Variants in SSBP3 observed in about 807,000 individuals in gnomAD.
SSBP3 encodes the protein single stranded DNA binding protein 3, also known as single-stranded DNA-binding protein 3.
A neutral mutation model predicts 69.6 loss-of-function variants in SSBP3; 5 were observed. The observed-to-expected ratio is 0.07, with a 90% CI of 0.04 to 0.15. The LOEUF is 0.15. SSBP3 is among the 10% of genes least tolerant of loss of function. SSBP3 has a pLI of 1.00. For synonymous variants in SSBP3, 196 were observed against 193.4 expected (o/e 1.01, Z -0.11); for missense variants, 312 against 534.0 (o/e 0.58, Z 4.10).
chr1:54,249,227 C>T (rs116322079), intron 9 of SSBP3, among the ~76,000 whole-genome samples: 1,652 of 152,220 alleles, frequency 0.011, 26 homozygotes, highest in African/African-American at 0.036. Context: ...CTCAGTGTTA[C>T]GATGGTCCTA....
chr1:54,301,677 A>C (rs1645804111), intron 4 of SSBP3, among the ~76,000 whole-genome samples: 1 of 152,210 alleles, frequency 6.6e-6, no homozygotes, highest in Admixed American at 6.5e-5. Context: ...AGTAAGCTCC[A>C]ACCCAAACAG....
chr1:54,338,286 C>A (rs111369078), intron 4 of SSBP3, among the ~76,000 whole-genome samples: 9 of 152,298 alleles, frequency 5.9e-5, no homozygotes, highest in African/African-American at 2.2e-4. Flanking sequence ...TATGCTAAAG[C>A]GAATGTTTAT....
At chr1:54,306,934 C>T (rs1328171324) in intron 4 of SSBP3, among the ~76,000 whole-genome samples, 1 of 152,190 alleles carries the variant, frequency 6.6e-6, no homozygotes, top group Non-Finnish European at 1.5e-5. Context: ...CAACTTTCCA[C>T]CAGGACCCTC....
At chr1:54,333,774 G>A (rs761902095) in intron 4 of SSBP3, among the ~76,000 whole-genome samples, 1 of 152,194 alleles carries the variant, frequency 6.6e-6, no homozygotes, top group African/African-American at 2.4e-5. Flanking sequence ...CCATATAAAA[G>A]TCAAATGTAG....
intron 14 of SSBP3, among the ~76,000 whole-genome samples, chr1:54,229,377 G>A (rs1046695297): frequency 6.6e-6 from 1 of 152,196 alleles, no homozygotes; most frequent in Non-Finnish European, 1.5e-5. Flanking sequence ...GTTAACAAAA[G>A]GAAGAAATTA....
chr1:54,268,681 C>G (rs1645142833), intron 5 of SSBP3, among the ~76,000 whole-genome samples: 1 of 152,218 alleles, frequency 6.6e-6, no homozygotes, highest in African/African-American at 2.4e-5. Flanking sequence ...TTTTTCATGC[C>G]TTTTCCTCCC....
chr1:54,283,698 C>T (rs954122777), intron 4 of SSBP3, among the ~76,000 whole-genome samples: 2 of 152,174 alleles, frequency 1.3e-5, no homozygotes, highest in African/African-American at 4.8e-5. Context: ...GAAAAACAGC[C>T]CTCTCTGCAA....
intron 5 of SSBP3, among the ~76,000 whole-genome samples, chr1:54,278,705 G>A (rs1645335931): frequency 6.6e-6 from 1 of 152,236 alleles, no homozygotes; most frequent in African/African-American, 2.4e-5. Flanking sequence ...CTAGGCCAGG[G>A]TCTGGCCATA....
At chr1:54,367,364 C>T (rs1187795875) in intron 4 of SSBP3, among the ~76,000 whole-genome samples, 1 of 152,112 alleles carries the variant, frequency 6.6e-6, no homozygotes, top group Non-Finnish European at 1.5e-5. Flanking sequence ...TCCCTGATGC[C>T]CCATTGTCTC....
At chr1:54,412,395 C>T (rs1337898014) in intron 1 of SSBP3, among the ~76,000 whole-genome samples, 1 of 152,138 alleles carries the variant, frequency 6.6e-6, no homozygotes, top group Non-Finnish European at 1.5e-5. Context: ...CAGTCTATAG[C>T]ATGGATGAAC....
At chr1:54,305,969 T>TA (rs1645893700) in intron 4 of SSBP3, among the ~76,000 whole-genome samples, 1 of 151,590 alleles carries the variant, frequency 6.6e-6, no homozygotes, top group Admixed American at 6.6e-5. Flanking sequence ...TCCTCATTTG[T>TA]AAAAGTACTA....
chr1:54,282,041 A>AAAT (rs61443250), intron 4 of SSBP3, among the ~76,000 whole-genome samples: 7,413 of 142,848 alleles, frequency 0.052, 238 homozygotes, highest in Middle Eastern at 0.13. Context: ...GCCCTATCTC[A>AAAT]AATAATAATA....
chr1:54,378,848 C>T (rs930149135), intron 4 of SSBP3, among the ~76,000 whole-genome samples: 4 of 152,152 alleles, frequency 2.6e-5, no homozygotes, highest in Admixed American at 2.6e-4. Flanking sequence ...AAAGAGAGCC[C>T]GCTTTATCCT....
At chr1:54,243,427 T>C (rs546608573) in intron 9 of SSBP3, 128 bp from the exon 10 acceptor site, 23 of 1,203,196 alleles carry the variant, frequency 1.9e-5, no homozygotes, top group East Asian at 1.2e-4. Flanking sequence ...GAAAAAATAA[T>C]ACATTCTTTC....
chr1:54,241,104 A>G, intron 12 of SSBP3, 145 bp from the exon 13 acceptor site: 1 of 882,006 alleles, frequency 1.1e-6, no homozygotes, highest in Admixed American at 2.9e-5. Context: ...GCGCTCACTC[A>G]AAGTACTCAA....
At chr1:54,408,577 C>A (rs1649911449), upstream of SSBP3, among the ~76,000 whole-genome samples, 1 of 152,196 alleles carries the variant, frequency 6.6e-6, no homozygotes, top group African/African-American at 2.4e-5. Context: ...CAGGACTCAA[C>A]CAGATTGGCC....
In SSBP3 at chr1:54,247,584, T is replaced by G. The variant is rs551397795; in HGVS notation, c.651+4032A>C. 5.9e-5 allele frequency among the ~76,000 whole-genome samples: 9 copies of G among 152,280 alleles called. No homozygotes were observed. The South Asian group carries it at 1.9e-3, about 32-fold the overall frequency. On this transcript the variant is annotated intron_variant, in intron 9 of 17. Coordinates refer to ENST00000610401, the Ensembl canonical transcript of SSBP3. ...AGGAGATGGGGGTGGCATAGGATTGTCCCAGGGGCTGTGGATTCTCCTTCA... is the reference window on the plus strand; with the variant it reads ...AGGAGATGGGGGTGGCATAGGATTGGCCCAGGGGCTGTGGATTCTCCTTCA...
chr1:54,403,184 T>C (rs1325228755), intron 3 of SSBP3, among the ~76,000 whole-genome samples: 3 of 152,142 alleles, frequency 2.0e-5, no homozygotes, highest in Non-Finnish European at 2.9e-5. Context: ...CAACAGACTC[T>C]ACGTTCCTGC....
intron 4 of SSBP3, among the ~76,000 whole-genome samples, chr1:54,298,473 G>A (rs1006479375): frequency 2.0e-5 from 3 of 152,208 alleles, no homozygotes; most frequent in Non-Finnish European, 2.9e-5. Flanking sequence ...ACAAACCACA[G>A]AGTAATCTGA....
Sources: gnomAD v4.1 joint callset for allele counts (sites outside exome capture counted in the v4.1 genomes callset) on GRCh38, gnomAD v4.1.1 for gene constraint, MANE v1.5 for transcripts, NCBI Gene and HGNC (gene_info 2026-07-23, HGNC 2026-07-21) for gene names.